Variants in DOCK4 observed in about 807,000 individuals in gnomAD.
The protein encoded by DOCK4 is dedicator of cytokinesis 4.
DOCK4 carries 97 observed loss-of-function variants against 268.1 expected under a neutral mutation model. That is an observed-to-expected ratio of 0.36 (90% confidence interval 0.31 to 0.43). DOCK4 has a LOEUF of 0.43. Ranked by LOEUF, DOCK4 falls within the 20% of genes least tolerant of loss-of-function variation. DOCK4 has a pLI of 1.00. For synonymous variants in DOCK4, 954 were observed against 887.2 expected (o/e 1.08, Z -1.34); for missense variants, 2,145 against 2,455.7 (o/e 0.87, Z 2.67).
intron 1 of DOCK4, among the ~76,000 whole-genome samples, chr7:112,026,395 A>T (rs1802787449): frequency 6.6e-6 from 1 of 152,138 alleles, no homozygotes; most frequent in African/African-American, 2.4e-5. Context: ...TCATCCTGAA[A>T]CATCCCCCCC....
chr7:112,017,602 C>T (rs1424767269), intron 1 of DOCK4, among the ~76,000 whole-genome samples: 2 of 152,180 alleles, frequency 1.3e-5, no homozygotes, highest in African/African-American at 4.8e-5. Context: ...CCTAACTTTG[C>T]CACAACCTGG....
chr7:112,015,464 T>C (rs138562881), intron 1 of DOCK4, among the ~76,000 whole-genome samples: 24 of 152,316 alleles, frequency 1.6e-4, no homozygotes, highest in African/African-American at 5.5e-4. Context: ...CTTTTATCTC[T>C]ACTTCTCCAA....
chr7:111,860,498 G>A (rs533979399), intron 23 of DOCK4, among the ~76,000 whole-genome samples: 1 of 152,226 alleles, frequency 6.6e-6, no homozygotes, highest in African/African-American at 2.4e-5. Context: ...ACATCTGCAC[G>A]TGCTAAGGAT....
chr7:112,060,085 C>A (rs1403735673), intron 1 of DOCK4, among the ~76,000 whole-genome samples: 1 of 152,192 alleles, frequency 6.6e-6, no homozygotes, highest in Non-Finnish European at 1.5e-5. Context: ...ACACTTTATA[C>A]TTAGGGCTGC....
At chr7:112,116,263 T>C (rs1812162284) in intron 1 of DOCK4, among the ~76,000 whole-genome samples, 1 of 152,326 alleles carries the variant, frequency 6.6e-6, no homozygotes, top group Middle Eastern at 3.4e-3. Flanking sequence ...AATCATATAA[T>C]GTGTGACCCT....
intron 1 of DOCK4, among the ~76,000 whole-genome samples, chr7:112,017,269 A>G (rs1362674835): frequency 6.6e-6 from 1 of 152,242 alleles, no homozygotes; most frequent in African/African-American, 2.4e-5. Context: ...TTAAAATAAG[A>G]CACTGGCTTC....
rs1811308591 is a variant in DOCK4, at chr7:112,108,247, A to T, written c.37+97855T>A. Among the ~76,000 whole-genome samples the T allele has an allele frequency of 2.6e-5, 4 of 151,402 alleles. No individual in the cohort carries two copies. In the South Asian group the frequency reaches 8.3e-4, roughly 32 times the overall value. ...GCAAAAATAAATACCACTCTCTAAT[A>T]AAAAAAAATAGTAACCTGAATTCTA... On this transcript the variant is annotated intron_variant, in intron 1 of 52. Transcript: ENST00000428084.
intron 12 of DOCK4, among the ~76,000 whole-genome samples, chr7:111,917,631 G>A (rs1319367605): frequency 2.0e-5 from 3 of 151,868 alleles, no homozygotes; most frequent in Non-Finnish European, 2.9e-5. Flanking sequence ...GCGTGGGCCC[G>A]GGAGGTGGAG....
chr7:112,013,372 T>G (rs1395866573), intron 1 of DOCK4, among the ~76,000 whole-genome samples: 1 of 152,210 alleles, frequency 6.6e-6, no homozygotes, highest in Non-Finnish European at 1.5e-5. Flanking sequence ...AATACCAATT[T>G]TTACCGGCTC....
At chr7:111,765,666 G>A (rs770815860) in intron 38 of DOCK4, among the ~76,000 whole-genome samples, 7 of 152,192 alleles carry the variant, frequency 4.6e-5, no homozygotes, top group Non-Finnish European at 1.0e-4. Context: ...TTACCTGTGG[G>A]TTTGCCTCCA....
At chr7:112,122,700 T>C (rs1293393789) in intron 1 of DOCK4, among the ~76,000 whole-genome samples, 1 of 152,260 alleles carries the variant, frequency 6.6e-6, no homozygotes, top group Non-Finnish European at 1.5e-5. Context: ...TTTTATTTCA[T>C]CCTTTTGTTG....
chr7:111,945,915 T>A, intron 8 of DOCK4, 117 bp from the exon 9 acceptor site: 1 of 706,416 alleles, frequency 1.4e-6, no homozygotes, highest in South Asian at 1.9e-5. Context: ...TCATTTAACA[T>A]CAACATTGCT....
chr7:112,054,337 A>G (rs1484244581), intron 1 of DOCK4, among the ~76,000 whole-genome samples: 1 of 152,108 alleles, frequency 6.6e-6, no homozygotes, highest in African/African-American at 2.4e-5. Context: ...TACAATTTCA[A>G]AATGATGAGA....
intron 27 of DOCK4, among the ~76,000 whole-genome samples, chr7:111,813,479 T>C (rs1483374009): frequency 1.3e-5 from 2 of 152,150 alleles, no homozygotes; most frequent in African/African-American, 2.4e-5. Flanking sequence ...TGGTTGAATG[T>C]GGAAGTTCAA....
chr7:111,729,271 A>G (rs1336188932), intron 52 of DOCK4, among the ~76,000 whole-genome samples: 1 of 152,202 alleles, frequency 6.6e-6, no homozygotes, highest in African/African-American at 2.4e-5. Context: ...CAGATAGAGG[A>G]GAAAGGAGCT....
intron 22 of DOCK4, among the ~76,000 whole-genome samples, chr7:111,866,261 C>A (rs1805965588): frequency 6.6e-6 from 1 of 152,208 alleles, no homozygotes; most frequent in Non-Finnish European, 1.5e-5. Flanking sequence ...TCCCCAAATA[C>A]ACAGAGGCAA....
At chr7:111,900,299 C>T in intron 15 of DOCK4, 75 bp downstream of exon 15, 3 of 1,500,798 alleles carry the variant, frequency 2.0e-6, no homozygotes, top group East Asian at 2.4e-5. Context: ...GATCAACCCA[C>T]ATCTTCATGA....
chr7:111,730,916 T>C (rs1407544968), intron 52 of DOCK4, among the ~76,000 whole-genome samples: 1 of 152,256 alleles, frequency 6.6e-6, no homozygotes, highest in African/African-American at 2.4e-5. Flanking sequence ...TTCTTTTTAA[T>C]GTTTAAGAAT....
At chr7:112,095,238 G>C (rs1810015072) in intron 1 of DOCK4, among the ~76,000 whole-genome samples, 1 of 152,198 alleles carries the variant, frequency 6.6e-6, no homozygotes, top group Admixed American at 6.5e-5. Flanking sequence ...ATTGAGTTGA[G>C]AGGGCAATGT....
Sources: allele counts gnomAD v4.1 joint callset (sites outside exome capture counted in the v4.1 genomes callset), GRCh38; gene constraint gnomAD v4.1.1; transcripts MANE v1.5; gene names NCBI Gene and HGNC (gene_info 2026-07-23, HGNC 2026-07-21).